The following CRYBA4 variants were observed in gnomAD, a reference collection of about 807,000 sequenced individuals.
The protein encoded by CRYBA4 is beta-crystallin A4.
Under a neutral mutation model 31.7 loss-of-function variants are expected in CRYBA4, and 30 were observed. The ratio of observed to expected loss-of-function variants is 0.95; its 90% CI spans 0.71 to 1.28. The LOEUF (loss-of-function observed/expected upper bound fraction) is 1.28. CRYBA4 is among the 50% of genes most tolerant of loss of function. The pLI is 0.00. For synonymous variants in CRYBA4, 102 were observed against 102.3 expected, an observed-to-expected ratio of 1.00 and a Z score of 0.02; for missense variants, 225 against 260.7, an observed-to-expected ratio of 0.86 and a Z score of 0.94.
At chr22:26,609,994 G>A in the CRYBA4 span, among the ~76,000 whole-genome samples, 1 of 152,202 alleles carries the variant, frequency 6.6e-6, no homozygotes, top group African/African-American at 2.4e-5. Flanking sequence ...AAAGGGAGAA[G>A]GAAACTGGAG....
At chr22:26,606,374 A>T in the CRYBA4 span, among the ~76,000 whole-genome samples, 10 of 152,158 alleles carry the variant, frequency 6.6e-5, no homozygotes, top group African/African-American at 1.4e-4. Context: ...ATTCTTTAAA[A>T]TTTTTTTTAC....
the CRYBA4 span, among the ~76,000 whole-genome samples, chr22:26,613,584 CA>C: frequency 6.6e-6 from 1 of 152,248 alleles, no homozygotes; most frequent in South Asian, 2.1e-4. Context: ...CTTCCCCAAT[CA>C]ATACCCTTGT....
chr22:26,605,664 T>A, the CRYBA4 span, among the ~76,000 whole-genome samples: 4 of 109,248 alleles, frequency 3.7e-5, no homozygotes, highest in Admixed American at 5.0e-4. Context: ...CAGAGTTAGA[T>A]GTGTCTCAAA....
At chr22:26,593,684 C>T in the CRYBA4 span, among the ~76,000 whole-genome samples, 10 of 151,952 alleles carry the variant, frequency 6.6e-5, no homozygotes, top group Admixed American at 3.3e-4. Flanking sequence ...CGCCAATATG[C>T]CTGGCTAATT....
the CRYBA4 span, among the ~76,000 whole-genome samples, chr22:26,604,592 C>A: frequency 6.6e-6 from 1 of 151,978 alleles, no homozygotes; most frequent in Non-Finnish European, 1.5e-5. Context: ...GAGGAGTGCA[C>A]AAAGCTGAGA....
chr22:26,590,806 C>T, the CRYBA4 span, among the ~76,000 whole-genome samples: 1 of 152,004 alleles, frequency 6.6e-6, no homozygotes, highest in African/African-American at 2.4e-5. Context: ...TGCCGAATAG[C>T]GTAAAGGTTG....
At chr22:26,626,592 T>C (rs1286083639) in intron 4 of CRYBA4, among the ~76,000 whole-genome samples, 1 of 152,160 alleles carries the variant, frequency 6.6e-6, no homozygotes, top group African/African-American at 2.4e-5. Context: ...GGACCAGAAG[T>C]GTTTTGGATT....
intron 4 of CRYBA4, among the ~76,000 whole-genome samples, chr22:26,625,997 C>T (rs58214093): frequency 0.03 from 4,611 of 152,206 alleles, 141 homozygotes; most frequent in African/African-American, 0.075. Flanking sequence ...TTTCTTGCTC[C>T]TAATTCAGCA....
chr22:26,612,145 A>G, the CRYBA4 span: 2 of 1,614,050 alleles, frequency 1.2e-6, no homozygotes, highest in Non-Finnish European at 1.7e-6. Flanking sequence ...TCCCCCGAGA[A>G]TTCTGCTCGA....
chr22:26,607,560 GA>G, the CRYBA4 span, among the ~76,000 whole-genome samples: 39,225 of 116,200 alleles, frequency 0.34, 5,685 homozygotes, highest in Non-Finnish European at 0.36. Context: ...CCATCTTTGG[GA>G]AAAAAAAAAA....
At chr22:26,607,964 G>C in the CRYBA4 span, 1 of 1,614,166 alleles carries the variant, frequency 6.2e-7, no homozygotes, top group Non-Finnish European at 8.5e-7. Flanking sequence ...GAGGGTACTC[G>C]CCCTTCTCCA....
intron 5 of CRYBA4, 101 bp downstream of exon 5, chr22:26,628,531 G>A: frequency 1.4e-6 from 2 of 1,396,436 alleles, no homozygotes; most frequent in Non-Finnish European, 1.0e-6. Context: ...GTGCTCTGAT[G>A]CCCACATTCC....
At chr22:26,601,642 A>T in the CRYBA4 span, among the ~76,000 whole-genome samples, 2 of 108,652 alleles carry the variant, frequency 1.8e-5, no homozygotes, top group South Asian at 6.8e-4. Context: ...TATTTTCTCC[A>T]TCTAACAGCT....
In CRYBA4 at chr22:26,630,557, GT is replaced by G; in HGVS notation, c.*72del. ...GGAGGCGCTCTGGAGGCTGTGGTGT[GT>G]TCTCTCCTTCTGCCTCCCCCTGTAA... On this transcript the variant is annotated 3_prime_UTR_variant, in exon 6 of 6. Coordinates refer to ENST00000354760, the MANE Select transcript of CRYBA4 (RefSeq NM_001886.3). 1 of 1,381,692 alleles carries G rather than the reference GT, an allele frequency of 7.2e-7. No individual in the cohort carries two copies. The highest frequency in any genetic ancestry group is 1.0e-6 in the Non-Finnish European group (1 of 994,988). The allele number at this position is 1,381,692 out of a possible 1,614,324, so 85.6% of individuals were successfully genotyped here. A position where few individuals can be genotyped will look rare whatever the true frequency, so the allele number is the denominator to read the frequency against.
the CRYBA4 span, chr22:26,616,248 C>G: frequency 6.2e-7 from 1 of 1,613,996 alleles, no homozygotes; most frequent in African/African-American, 1.3e-5. Flanking sequence ...GTGGGGCCCC[C>G]TTCCCCTTGG....
At chr22:26,618,384 G>A (rs74621382), upstream of CRYBA4, among the ~76,000 whole-genome samples, 5,012 of 152,326 alleles carry the variant, frequency 0.033, 128 homozygotes, top group Non-Finnish European at 0.054. Context: ...GCCACTGCGC[G>A]CTGTGTGGCT....
chr22:26,628,294 C>G lies in CRYBA4; in HGVS notation c.307C>G (p.Arg103Gly), dbSNP rs149353652. The G allele has an allele frequency of 3.7e-6, 6 of 1,613,790 alleles. No homozygotes were observed. The South Asian group carries it at 4.4e-5, about 12-fold the overall frequency. ...GTGTTCCCTGTTCCTGTAGAACCACCGTGACTCGAGGCTGACAATCTTCGA... is the reference window on the plus strand; with the variant it reads ...GTGTTCCCTGTTCCTGTAGAACCACGGTGACTCGAGGCTGACAATCTTCGA... ...SFRPAACANH[R>G]DSRLTIFEQE... The change falls in exon 5 of 6, where the codon CGT (arginine) becomes GGT (glycine). Residue 103 changes from arginine (R) to glycine (G), a missense_variant. Coordinates refer to ENST00000354760, the MANE Select transcript of CRYBA4 (RefSeq NM_001886.3).
chr22:26,608,067 G>A, the CRYBA4 span: 1 of 1,613,662 alleles, frequency 6.2e-7, no homozygotes. Context: ...CATATGGTTA[G>A]TAGAAGCCCC....
chr22:26,608,055 G>C, the CRYBA4 span: 1 of 1,613,988 alleles, frequency 6.2e-7, no homozygotes, highest in South Asian at 1.1e-5. Context: ...GCAGACAGGA[G>C]ACATATGGTT....
Sources: allele counts gnomAD v4.1 joint callset (sites outside exome capture counted in the v4.1 genomes callset), GRCh38; gene constraint gnomAD v4.1.1; transcripts MANE v1.5; gene names NCBI Gene and HGNC (gene_info 2026-07-23, HGNC 2026-07-21).